The following FIGN variants were observed in gnomAD, a reference collection of about 807,000 sequenced individuals.
The protein encoded by FIGN is fidgetin.
FIGN carries 11 observed loss-of-function variants against 51.3 expected under a neutral mutation model. The observed-to-expected ratio is 0.21, with a 90% CI of 0.13 to 0.35. The LOEUF is 0.35. Ranked by LOEUF, FIGN falls within the 10% of genes least tolerant of loss-of-function variation. The probability of loss-of-function intolerance (pLI) is 1.00; values close to 1 mark genes in which losing one functional copy is unlikely to be tolerated. For missense variants in FIGN, 857 were observed against 943.6 expected (o/e 0.91, Z 1.20); for synonymous variants, 407 against 363.2 (o/e 1.12, Z -1.37).
intron 2 of FIGN, among the ~76,000 whole-genome samples, chr2:163,721,229 T>C (rs1684752171): frequency 6.6e-6 from 1 of 152,178 alleles, no homozygotes; most frequent in Admixed American, 6.5e-5. Flanking sequence ...GCTTCCTGAT[T>C]ATAAACCAAG....
chr2:163,734,557 CAA>C (rs34286375), intron 2 of FIGN, among the ~76,000 whole-genome samples: 69 of 102,870 alleles, frequency 6.7e-4, no homozygotes, highest in African/African-American at 2.2e-3. Context: ...CTCCCTCCTT[CAA>C]AAAAAAAAAA....
At position 163,653,339 on chromosome 2, in the gene FIGN, G is replaced by A. The variant is rs1683507525; in HGVS notation, c.26-41533C>T. On this transcript the variant is annotated intron_variant, in intron 2 of 2. Transcript: ENST00000333129. ...CATTCACTCTAGTTCTTGAGTTTAT[G>A]CACTATATACATTTTATAATATATT... Among the ~76,000 whole-genome samples the A allele has an allele frequency of 2.6e-5, 4 of 151,978 alleles. No individual in the cohort carries two copies. In the South Asian group the frequency reaches 8.3e-4, roughly 31 times the overall value.
chr2:163,733,740 A>G (rs1684967348), intron 2 of FIGN, among the ~76,000 whole-genome samples: 1 of 152,176 alleles, frequency 6.6e-6, no homozygotes, highest in Admixed American at 6.5e-5. Flanking sequence ...CCAGAGTCCA[A>G]CCAGACGTGT....
intron 2 of FIGN, among the ~76,000 whole-genome samples, chr2:163,727,089 C>A (rs1684849365): frequency 6.6e-6 from 1 of 151,938 alleles, no homozygotes; most frequent in Non-Finnish European, 1.5e-5. Flanking sequence ...AGTTTACAAT[C>A]TTCAATTTGA....
At chr2:163,719,522 C>T (rs1312432224) in intron 2 of FIGN, among the ~76,000 whole-genome samples, 5 of 152,194 alleles carry the variant, frequency 3.3e-5, no homozygotes, top group Non-Finnish European at 4.4e-5. Flanking sequence ...CGCTCTAGTG[C>T]TTGTTGCTAT....
In FIGN at chr2:163,725,024, T is replaced by C. The variant is rs1266223973; in HGVS notation, c.25+9879A>G. ...ACCACATGAAAACAGTCTTTAATGTTAGCTTTGCCTCAATGACTTTCTCGA... is the reference window on the plus strand; with the variant it reads ...ACCACATGAAAACAGTCTTTAATGTCAGCTTTGCCTCAATGACTTTCTCGA... On this transcript the variant is annotated intron_variant, in intron 2 of 2. Coordinates refer to ENST00000333129, the MANE Select transcript of FIGN (RefSeq NM_018086.4). Among the ~76,000 whole-genome samples, 22 of 152,250 alleles carry C rather than the reference T, an allele frequency of 1.4e-4. No individual in the cohort carries two copies. In the South Asian group the frequency reaches 4.1e-3, roughly 29 times the overall value.
chr2:163,725,083 T>C (rs1457434453), intron 2 of FIGN, among the ~76,000 whole-genome samples: 3 of 152,082 alleles, frequency 2.0e-5, no homozygotes, highest in Non-Finnish European at 4.4e-5. Context: ...CTACATGTTG[T>C]CCATGACAAC....
At position 163,684,824 on chromosome 2, in the gene FIGN, G is replaced by C. The variant is rs181854119; in HGVS notation, c.25+50079C>G. On this transcript the variant is annotated intron_variant, in intron 2 of 2. Transcript: ENST00000333129. ...AATCTTGCTCTTGTTGCCCAGGCTG[G>C]AGTGCACTGGCGTGATCTCGGCTCA... is the stretch of plus-strand genomic sequence containing the variant. Among the ~76,000 whole-genome samples, 57 of 152,172 alleles carry C rather than the reference G, an allele frequency of 3.7e-4. No individual in the cohort carries two copies. In the East Asian group the frequency reaches 0.01, roughly 28 times the overall value.
At chr2:163,676,417 A>C (rs1683964870) in intron 2 of FIGN, among the ~76,000 whole-genome samples, 1 of 136,972 alleles carries the variant, frequency 7.3e-6, no homozygotes, top group Non-Finnish European at 1.6e-5. Context: ...TAATTAAAAC[A>C]TCTCATGGAT....
At chr2:163,661,343 G>A (rs543876821) in intron 2 of FIGN, among the ~76,000 whole-genome samples, 5 of 151,792 alleles carry the variant, frequency 3.3e-5, no homozygotes, top group Non-Finnish European at 5.9e-5. Context: ...GGGTTCAAGC[G>A]ATTCTTCCAT....
chr2:163,666,305 T>C (rs954010662), intron 2 of FIGN, among the ~76,000 whole-genome samples: 2 of 152,146 alleles, frequency 1.3e-5, no homozygotes, highest in African/African-American at 4.8e-5. Flanking sequence ...TTCTTCGCCT[T>C]CCTCAAGCAT....
At chr2:163,648,544 G>C (rs979457264) in intron 2 of FIGN, among the ~76,000 whole-genome samples, 2 of 152,112 alleles carry the variant, frequency 1.3e-5, no homozygotes, top group Non-Finnish European at 2.9e-5. Flanking sequence ...TAAACCCCTT[G>C]TTATTGTATG....
At chr2:163,735,191 C>T (rs893039967) in intron 1 of FIGN, 119 bp from the exon 2 acceptor site, 3 of 478,842 alleles carry the variant, frequency 6.3e-6, no homozygotes, top group African/African-American at 4.0e-5. Flanking sequence ...GTCAATTTCA[C>T]TCACTCCCAT....
chr2:163,615,800 C>T (rs1177222963), intron 2 of FIGN, among the ~76,000 whole-genome samples: 5 of 152,042 alleles, frequency 3.3e-5, no homozygotes, highest in Non-Finnish European at 7.4e-5. Flanking sequence ...AGTAAAAATT[C>T]AGAAAACAGT....
At chr2:163,689,197 G>C (rs62169902) in intron 2 of FIGN, among the ~76,000 whole-genome samples, 30 of 12,060 alleles carry the variant, frequency 2.5e-3, no homozygotes, top group African/African-American at 6.1e-3. Context: ...CACACACACA[G>C]AAACACACAC....
At chr2:163,682,349 A>G (rs192212938) in intron 2 of FIGN, among the ~76,000 whole-genome samples, 89 of 152,280 alleles carry the variant, frequency 5.8e-4, no homozygotes, top group South Asian at 5.6e-3. Flanking sequence ...TATTAGCAGG[A>G]GCATAAAATA....
At chr2:163,695,590 C>T (rs1210230630) in intron 2 of FIGN, among the ~76,000 whole-genome samples, 1 of 152,194 alleles carries the variant, frequency 6.6e-6, no homozygotes, top group Non-Finnish European at 1.5e-5. Context: ...AATCAGCACA[C>T]ATCTGAAAAT....
chr2:163,692,159 C>T (rs1408321529), intron 2 of FIGN, among the ~76,000 whole-genome samples: 2 of 151,964 alleles, frequency 1.3e-5, no homozygotes, highest in African/African-American at 2.4e-5. Context: ...TTTTATAGTC[C>T]TAAACTTGTT....
chr2:163,615,842 T>C (rs1040098210), intron 2 of FIGN, among the ~76,000 whole-genome samples: 19 of 152,184 alleles, frequency 1.2e-4, no homozygotes, highest in Non-Finnish European at 2.5e-4. Flanking sequence ...TTAAAGATAA[T>C]TGAAGAATTG....
Sources: allele counts gnomAD v4.1 joint callset (sites outside exome capture counted in the v4.1 genomes callset), GRCh38; gene constraint gnomAD v4.1.1; transcripts MANE v1.5; gene names NCBI Gene and HGNC (gene_info 2026-07-23, HGNC 2026-07-21).